THADA: variants seen among roughly 807,000 people sequenced by gnomAD.
The protein encoded by THADA is tRNA (32-2'-O)-methyltransferase regulator THADA.
THADA carries 213 observed loss-of-function variants against 219.8 expected under a neutral mutation model. That is an observed-to-expected ratio of 0.97 (90% CI 0.87 to 1.09). THADA has a LOEUF of 1.09. THADA is among the 50% of genes least tolerant of loss of function. The pLI is 0.00. For synonymous variants in THADA, 1,018 were observed against 828.9 expected (o/e 1.23, Z -3.92); for missense variants, 2,956 against 2,311.3 (o/e 1.28, Z -5.72).
rs998622483 is a variant in THADA, at chr2:43,299,397, G to A, written c.4439-6184C>T. On this transcript the variant is annotated intron_variant, in intron 31 of 37. Coordinates refer to ENST00000405975, the MANE Select transcript of THADA (RefSeq NM_022065.5). ...AATCTAGCCGGGCGCAGTGGCTCAC[G>A]CCTGTAATCCCAGCACTTTGGGAGG... 3.3e-5 allele frequency among the ~76,000 whole-genome samples: 5 copies of A among 152,172 alleles called. No individual in the cohort carries two copies. In the South Asian group the frequency reaches 6.2e-4, roughly 19 times the overall value.
chr2:43,322,555 A>C (rs560823207), intron 30 of THADA, among the ~76,000 whole-genome samples: 1 of 151,930 alleles, frequency 6.6e-6, no homozygotes, highest in East Asian at 1.9e-4. Context: ...GAAAAAGCAC[A>C]AAAGGACACG....
intron 26 of THADA, among the ~76,000 whole-genome samples, chr2:43,461,371 C>T (rs999768799): frequency 4.6e-5 from 7 of 152,144 alleles, no homozygotes; most frequent in Non-Finnish European, 1.0e-4. Flanking sequence ...TGAGTAAGTG[C>T]AGGAACCATT....
At chr2:43,500,500 G>T (rs991958759) in intron 24 of THADA, among the ~76,000 whole-genome samples, 1 of 152,178 alleles carries the variant, frequency 6.6e-6, no homozygotes, top group African/African-American at 2.4e-5. Flanking sequence ...AGTGAGATAT[G>T]CAAGAATGCA....
intron 28 of THADA, among the ~76,000 whole-genome samples, chr2:43,416,858 C>G (rs1291365135): frequency 3.3e-5 from 5 of 152,172 alleles, no homozygotes; most frequent in Admixed American, 3.3e-4. Context: ...AAAGCAGTTT[C>G]CTGAAGTTAT....
intron 13 of THADA, among the ~76,000 whole-genome samples, 197 bp downstream of exon 13, chr2:43,571,510 C>T (rs1379708500): frequency 3.9e-5 from 6 of 151,970 alleles, no homozygotes. Flanking sequence ...GGGGTGCGTG[C>T]TTTTCACTCT....
rs148135576 is a variant in THADA, at chr2:43,448,612, C to G, written c.3837-18310G>C. On this transcript the variant is annotated intron_variant, in intron 26 of 37. Transcript: ENST00000405975. ...TTTTCTTCTTCATTTTTCTCTTTTC[C>G]CACTTTCAGAAGACAGATATTTAAA... Among the ~76,000 whole-genome samples, 757 of 107,906 alleles carry G rather than the reference C, an allele frequency of 7.0e-3. 4 individuals are homozygous for G. The highest frequency in any genetic ancestry group is 0.023 in the Middle Eastern group (4 of 174). The allele number at this position is 107,906 out of a possible 152,430, so 70.8% of individuals were successfully genotyped here. A position where few individuals can be genotyped will look rare whatever the true frequency, so the allele number is the denominator to read the frequency against.
intron 31 of THADA, among the ~76,000 whole-genome samples, chr2:43,315,835 A>G (rs548146400): frequency 2.8e-4 from 42 of 152,340 alleles, no homozygotes; most frequent in African/African-American, 1.0e-3. Flanking sequence ...TGTAAGGATG[A>G]GGGCAGAGAA....
chr2:43,549,142 A>C, intron 20 of THADA, 68 bp downstream of exon 20: 2 of 1,304,632 alleles, frequency 1.5e-6, no homozygotes, highest in South Asian at 3.2e-5. Flanking sequence ...TACCATATAA[A>C]AAGGGCATTC....
intron 25 of THADA, among the ~76,000 whole-genome samples, chr2:43,498,473 A>G (rs1275968513): frequency 6.6e-6 from 1 of 152,236 alleles, no homozygotes; most frequent in Non-Finnish European, 1.5e-5. Flanking sequence ...TGTAACAATA[A>G]CAGCACATAG....
At chr2:43,382,046 A>C (rs1672097649) in intron 29 of THADA, among the ~76,000 whole-genome samples, 1 of 152,242 alleles carries the variant, frequency 6.6e-6, no homozygotes. Flanking sequence ...CTTTCTACAA[A>C]ATATCTGACC....
rs149875347 is a variant in THADA at position 43,291,228 on chromosome 2, T to A, written c.5010+468A>T. Reference sequence around the variant, plus strand: ...ACTTTGGGAGGCCGAGGCGGGTGGATCACCTGAGGTCAGGAGTTCGAGACC... The same window carrying A: ...ACTTTGGGAGGCCGAGGCGGGTGGAACACCTGAGGTCAGGAGTTCGAGACC... On this transcript the variant is annotated intron_variant, in intron 34 of 37. Coordinates refer to ENST00000405975, the MANE Select transcript of THADA (RefSeq NM_022065.5). 5.1e-3 allele frequency among the ~76,000 whole-genome samples: 773 copies of A among 151,488 alleles called. 6 individuals are homozygous for A. The highest frequency in any genetic ancestry group is 0.016 in the African/African-American group (647 of 41,312).
intron 36 of THADA, among the ~76,000 whole-genome samples, chr2:43,273,352 A>C (rs986310850): frequency 3.9e-5 from 6 of 151,968 alleles, no homozygotes; most frequent in Non-Finnish European, 7.4e-5. Context: ...CCAGGCTTGG[A>C]GATAGGTAGG....
chr2:43,499,099 A>T (rs549640288), intron 24 of THADA, 144 bp from the exon 25 acceptor site: 1 of 891,540 alleles, frequency 1.1e-6, no homozygotes, highest in South Asian at 2.1e-5. Flanking sequence ...AGCAGATTTA[A>T]TAAAACACAT....
chr2:43,364,996 T>C (rs1669964556), intron 29 of THADA, among the ~76,000 whole-genome samples: 1 of 151,620 alleles, frequency 6.6e-6, no homozygotes, highest in South Asian at 2.1e-4. Flanking sequence ...TCGCTCTTGT[T>C]GCCCAGGCTG....
intron 29 of THADA, among the ~76,000 whole-genome samples, chr2:43,381,290 C>T (rs1328519343): frequency 2.0e-5 from 3 of 151,986 alleles, no homozygotes; most frequent in African/African-American, 7.2e-5. Flanking sequence ...TCTGTGAGTC[C>T]ATACTGATTG....
At chr2:43,269,269 G>C (rs1019385919) in intron 36 of THADA, among the ~76,000 whole-genome samples, 1 of 152,194 alleles carries the variant, frequency 6.6e-6, no homozygotes, top group Non-Finnish European at 1.5e-5. Context: ...CTTGGCCAGA[G>C]AGCTCGGCTT....
intron 35 of THADA, among the ~76,000 whole-genome samples, chr2:43,282,894 A>G: frequency 6.6e-6 from 1 of 152,226 alleles, no homozygotes; most frequent in East Asian, 1.9e-4. Context: ...GCTGGAAACC[A>G]GATAAGATCT....
rs777882161 is a variant in THADA, at chr2:43,527,979, T to C, written c.3274A>G (p.Ile1092Val). ...AGGTGTTGTTTAAAGTAATCTCCTA[T>C]TTCTTTTACCTTTAAAAAAAAAGCA... ...GLLTVEQVKE[I>V]GDYFKQHLLQ... The change falls in exon 22 of 38, where the codon ATA (isoleucine) becomes GTA (valine). Residue 1092 changes from isoleucine (I) to valine (V), a missense_variant. Ile to Val is a conservative substitution (Grantham distance 29). Coordinates refer to ENST00000405975, the MANE Select transcript of THADA (RefSeq NM_022065.5). 1.9e-6 allele frequency: 3 copies of C among 1,609,734 alleles called. No homozygotes were observed. The highest frequency in any genetic ancestry group is 2.7e-5 in the African/African-American group (2 of 74,794).
chr2:43,515,297 TA>T (rs1260397740), intron 22 of THADA, among the ~76,000 whole-genome samples: 2 of 50,600 alleles, frequency 4.0e-5, no homozygotes, highest in Non-Finnish European at 6.3e-5. Context: ...ATATAATATA[TA>T]ATATGTAATA....
Sources: allele counts gnomAD v4.1 joint callset (sites outside exome capture counted in the v4.1 genomes callset), GRCh38; gene constraint gnomAD v4.1.1; transcripts MANE v1.5; gene names NCBI Gene and HGNC (gene_info 2026-07-23, HGNC 2026-07-21).